Variants in ANKFN1 observed in about 807,000 individuals in gnomAD.
The protein encoded by ANKFN1 is ankyrin repeat and fibronectin type-III domain-containing protein 1.
Under a neutral mutation model 108.7 loss-of-function variants are expected in ANKFN1, and 74 were observed. That is an observed-to-expected ratio of 0.68 (90% CI 0.56 to 0.83). The LOEUF is 0.83. Among genes scored for constraint, ANKFN1 ranks in the 40% least tolerant of loss-of-function variants. The pLI is 0.00. For missense variants in ANKFN1, 1,505 were observed against 1,382.3 expected, an observed-to-expected ratio of 1.09 and a Z score of -1.41; for synonymous variants, 547 against 516.2, an observed-to-expected ratio of 1.06 and a Z score of -0.81.
At chr17:56,115,708 A>G (rs1906226318) in intron 4 of ANKFN1, among the ~76,000 whole-genome samples, 1 of 152,120 alleles carries the variant, frequency 6.6e-6, no homozygotes, top group African/African-American at 2.4e-5. Flanking sequence ...CTTTAATGCA[A>G]AAGGACCTTG....
intron 4 of ANKFN1, among the ~76,000 whole-genome samples, chr17:56,094,676 T>G (rs1230827691): frequency 1.7e-5 from 1 of 58,872 alleles, no homozygotes. Context: ...GCTAATTGGG[T>G]TTTTTTTTTT....
At chr17:56,468,303 C>G (rs993384800) in intron 15 of ANKFN1, among the ~76,000 whole-genome samples, 2 of 152,194 alleles carry the variant, frequency 1.3e-5, no homozygotes, top group African/African-American at 4.8e-5. Flanking sequence ...AGATGCAGCC[C>G]TTGGCCTGGA....
Position 56,467,743 on chromosome 17 carries a change from C to CAAAGAAAG in ANKFN1, c.1773+1215_1773+1222dup, listed in dbSNP as rs759980897. 5.7e-3 allele frequency among the ~76,000 whole-genome samples: 412 copies of CAAAGAAAG among 72,588 alleles called. 2 individuals are homozygous for CAAAGAAAG. The highest frequency in any genetic ancestry group is 0.016 in the South Asian group (33 of 2,048). 47.6% of individuals were successfully genotyped at this position (72,588 alleles called of 152,430 possible). A position where few individuals can be genotyped will look rare whatever the true frequency, so the allele number is the denominator to read the frequency against. On this transcript the variant is annotated intron_variant, in intron 15 of 20. Coordinates refer to ENST00000682825, the MANE Select transcript of ANKFN1 (RefSeq NM_001370326.1). ...AGAAAGAAAGAGAGAAAGAAAGAAA[C>CAAAGAAAG]AAAGAAAGAAAGAAAGAAAGAAAGA...
In ANKFN1 at chr17:56,350,903, C is replaced by T. The variant is rs1300461377; in HGVS notation, c.326C>T (p.Ser109Phe). The change falls in exon 5 of 21, where the codon TCT becomes TTT. Residue 109 changes from serine to phenylalanine, a missense_variant. Transcript: ENST00000682825. Reference sequence around the variant, plus strand: ...TCTGAGAAACTGAAAGGGAGCCACTCTTCCTTCGATGAGGCCTATTTTAGG... The same window carrying T: ...TCTGAGAAACTGAAAGGGAGCCACTTTTCCTTCGATGAGGCCTATTTTAGG... ...NLSEKLKGSH[S>F]SFDEAYFRTR... 6.2e-7 allele frequency: 1 copy of T among 1,613,852 alleles called. No individual in the cohort carries two copies. The highest frequency in any genetic ancestry group is 8.5e-7 in the Non-Finnish European group (1 of 1,179,888).
At chr17:56,354,624 G>A (rs1028559022) in intron 6 of ANKFN1, among the ~76,000 whole-genome samples, 2 of 152,208 alleles carry the variant, frequency 1.3e-5, no homozygotes, top group Non-Finnish European at 2.9e-5. Context: ...ATGAGTGGCT[G>A]TAGATTGATA....
intron 1 of ANKFN1, among the ~76,000 whole-genome samples, chr17:56,202,488 C>A (rs762916953): frequency 3.3e-5 from 5 of 152,160 alleles, no homozygotes; most frequent in African/African-American, 4.8e-5. Flanking sequence ...CATTGCTAGC[C>A]TTCCAGTCTG....
intron 16 of ANKFN1, among the ~76,000 whole-genome samples, chr17:56,480,369 G>T (rs2050654155): frequency 6.6e-6 from 1 of 152,150 alleles, no homozygotes; most frequent in Non-Finnish European, 1.5e-5. Flanking sequence ...AAAGAAAAAT[G>T]AAGACAGTCA....
At chr17:56,256,467 A>G (rs185214581) in intron 3 of ANKFN1, among the ~76,000 whole-genome samples, 12 of 152,246 alleles carry the variant, frequency 7.9e-5, no homozygotes, top group Admixed American at 7.2e-4. Flanking sequence ...GGGGTTGTGA[A>G]ACCTGGAGTA....
intron 15 of ANKFN1, among the ~76,000 whole-genome samples, chr17:56,470,102 C>G (rs920734131): frequency 6.6e-6 from 1 of 152,110 alleles, no homozygotes; most frequent in African/African-American, 2.4e-5. Context: ...TCCATGTCCC[C>G]GCAAAGGACA....
At chr17:56,300,406 T>C (rs1274647605) in intron 3 of ANKFN1, among the ~76,000 whole-genome samples, 1 of 152,134 alleles carries the variant, frequency 6.6e-6, no homozygotes, top group East Asian at 1.9e-4. Flanking sequence ...GCCAAGTCCT[T>C]CTTTCCCCCC....
intron 8 of ANKFN1, 46 bp downstream of exon 8, chr17:56,374,760 A>T: frequency 6.9e-7 from 1 of 1,451,816 alleles, no homozygotes. Context: ...TTAAAAAAGC[A>T]TCTGCTGTTT....
chr17:56,053,950 A>T (rs1904821668), intron 4 of ANKFN1, among the ~76,000 whole-genome samples: 1 of 152,208 alleles, frequency 6.6e-6, no homozygotes, highest in African/African-American at 2.4e-5. Flanking sequence ...TGCGCCTGCC[A>T]TCCAAGTAAT....
At chr17:56,465,512 GAGCTCACAAAAGTAACAGCTAGGAGCTCT>G (rs1267642656) in intron 14 of ANKFN1, among the ~76,000 whole-genome samples, 1 of 152,070 alleles carries the variant, frequency 6.6e-6, no homozygotes, top group Non-Finnish European at 1.5e-5. Context: ...CCTCTTATGT[GAGCTCACAAAAGTAACAGCTAGGAGCTCT>G]AGGATGATTT....
At chr17:56,142,245 A>G (rs1907968996) in intron 4 of ANKFN1, among the ~76,000 whole-genome samples, 1 of 152,008 alleles carries the variant, frequency 6.6e-6, no homozygotes, top group African/African-American at 2.4e-5. Context: ...GGCTTACTTT[A>G]TGGTCTAGGG....
chr17:56,226,139 T>C (rs77430362), intron 2 of ANKFN1, among the ~76,000 whole-genome samples: 2,510 of 152,220 alleles, frequency 0.016, 62 homozygotes, highest in African/African-American at 0.057. Flanking sequence ...GGAGGAAATG[T>C]GTGTCAGGTT....
intron 4 of ANKFN1, among the ~76,000 whole-genome samples, chr17:56,330,193 G>C (rs1376495091): frequency 7.9e-6 from 1 of 126,916 alleles, no homozygotes; most frequent in African/African-American, 2.5e-5. Context: ...ATGAAGTAAA[G>C]AGGTTTAATG....
chr17:56,230,991 T>C (rs1316210776), intron 3 of ANKFN1, among the ~76,000 whole-genome samples: 1 of 152,078 alleles, frequency 6.6e-6, no homozygotes, highest in African/African-American at 2.4e-5. Flanking sequence ...TAGAGACTAG[T>C]GGAAGCTGGT....
rs1567717374 is a variant in ANKFN1, at chr17:56,510,786, TGTGTCCG to T, written c.2962_2968del (p.Ser988GlyfsTer5). On this transcript the variant is annotated frameshift_variant, in exon 21 of 21. Coordinates refer to ENST00000682825, the MANE Select transcript of ANKFN1 (RefSeq NM_001370326.1). LOFTEE classifies it low-confidence loss of function (END_TRUNC). ...TCACACCCAAGAACCACGCCAAGACTGTGTCCGGTGGGCGGCCCCCGCTAGGCTTCCT... is the reference window on the plus strand; with the variant it reads ...TCACACCCAAGAACCACGCCAAGACTGTGGGCGGCCCCCGCTAGGCTTCCT... The T allele has an allele frequency of 6.5e-7, 1 of 1,536,090 alleles. No homozygotes were observed. The highest frequency in any genetic ancestry group is 1.2e-5 in the South Asian group (1 of 84,058).
At position 56,094,763 on chromosome 17, in the gene ANKFN1, A is replaced by T. The variant is rs568771647; in HGVS notation, c.288+48438A>T. 2.5e-4 allele frequency among the ~76,000 whole-genome samples: 37 copies of T among 146,714 alleles called. 3 individuals carry two copies. The highest frequency in any genetic ancestry group is 3.9e-4 in the Non-Finnish European group (26 of 66,696). On this transcript the variant is annotated intron_variant, in intron 4 of 12. Coordinates refer to the ANKFN1 transcript ENST00000635860. ...TCTTGATCTCCTGACTTCGTGATCC[A>T]CCCACCTTGACCTCCCAAAGTGTCG... is the stretch of plus-strand genomic sequence containing the variant.
Sources: allele counts gnomAD v4.1 joint callset (sites outside exome capture counted in the v4.1 genomes callset), GRCh38; gene constraint gnomAD v4.1.1; transcripts MANE v1.5; gene names NCBI Gene and HGNC (gene_info 2026-07-23, HGNC 2026-07-21).